NPTN: variants seen among roughly 807,000 people sequenced by gnomAD.
The protein encoded by NPTN is SDR-1.
A neutral mutation model predicts 42.7 loss-of-function variants in NPTN; 5 were observed. That is an observed-to-expected ratio of 0.12 (90% CI 0.06 to 0.25). The LOEUF (loss-of-function observed/expected upper bound fraction) is 0.25. NPTN is among the 10% of genes least tolerant of loss of function. The probability of loss-of-function intolerance (pLI) is 1.00; values close to 1 mark genes in which losing one functional copy is unlikely to be tolerated. For synonymous variants in NPTN, 180 were observed against 201.9 expected, an observed-to-expected ratio of 0.89 and a Z score of 0.92; for missense variants, 307 against 525.4, an observed-to-expected ratio of 0.58 and a Z score of 4.06.
Position 73,633,244 on chromosome 15 carries a change from T to A in NPTN, c.-29A>T, listed in dbSNP as rs1566997585. The A allele has an allele frequency of 2.0e-6, 2 of 1,005,568 alleles. No homozygotes were observed. Among genetic ancestry groups the A allele is most frequent in the Non-Finnish European group, 2.7e-6 (2 of 740,168 alleles). The allele number at this position is 1,005,568 out of a possible 1,614,324, so 62.3% of individuals were successfully genotyped here. On this transcript the variant is annotated 5_prime_UTR_variant, in exon 1 of 9. Coordinates refer to ENST00000345330, the MANE Select transcript of NPTN (RefSeq NM_012428.4). ...CCCTAGCAGAAGACCCAACAGCGAATGGGCCGGGGCCAGAGCCGGGGCCGG... is the reference window on the plus strand; with the variant it reads ...CCCTAGCAGAAGACCCAACAGCGAAAGGGCCGGGGCCAGAGCCGGGGCCGG...
intron 5 of NPTN, among the ~76,000 whole-genome samples, chr15:73,571,643 G>A (rs1262785739): frequency 6.6e-6 from 1 of 152,170 alleles, no homozygotes; most frequent in African/African-American, 2.4e-5. Context: ...GTGCAAGAGT[G>A]CACAGGCAGA....
chr15:73,625,648 A>C (rs554298056), intron 1 of NPTN, among the ~76,000 whole-genome samples: 245 of 152,256 alleles, frequency 1.6e-3, no homozygotes, highest in Non-Finnish European at 2.9e-3. Context: ...TTATTTTTCA[A>C]GTAATTTCAA....
chr15:73,560,524 T>G lies in NPTN; in HGVS notation c.*539A>C, dbSNP rs1009156751. 2 of 152,226 alleles carry G rather than the reference T, an allele frequency of 1.3e-5. No homozygotes were observed. Among genetic ancestry groups the G allele is most frequent in the African/African-American group, 2.4e-5 (1 of 41,372 alleles). The allele number at this position is 152,226 out of a possible 1,614,324, so 9.4% of individuals were successfully genotyped here. The stretch of plus-strand genomic sequence containing the variant: ...CTTTATGTACCAGAACTGCACAATT[T>G]CCTCATCTGACAACATACAATAAGG... On this transcript the variant is annotated 3_prime_UTR_variant, in exon 9 of 9. Transcript: ENST00000345330.
chr15:73,612,096 A>G (rs1897611656), intron 1 of NPTN, among the ~76,000 whole-genome samples: 1 of 152,158 alleles, frequency 6.6e-6, no homozygotes, highest in Admixed American at 6.5e-5. Flanking sequence ...AGTAATGGTC[A>G]CCTATCTTGT....
chr15:73,633,278 GGGGA>G lies in NPTN; in HGVS notation c.-67_-64del, dbSNP rs1017699055. ...GCCAGAGCCGGGGCCGGGGAAGGGA[GGGGA>G]GGGAGGGAGGGGGCGGGCGAGTGCG... On this transcript the variant is annotated 5_prime_UTR_variant, in exon 1 of 9. Transcript: ENST00000345330. The G allele has an allele frequency of 6.2e-5, 73 of 1,172,672 alleles. No homozygotes were observed. The highest frequency in any genetic ancestry group is 2.1e-4 in the Middle Eastern group (1 of 4,666). 72.6% of individuals were successfully genotyped at this position (1,172,672 alleles called of 1,614,324 possible).
intron 1 of NPTN, among the ~76,000 whole-genome samples, chr15:73,613,812 A>G (rs1897720036): frequency 1.3e-5 from 2 of 151,898 alleles, no homozygotes; most frequent in African/African-American, 4.8e-5. Context: ...CAGCCTCCCA[A>G]GTAACTGGGA....
chr15:73,568,098 G>A, intron 6 of NPTN: 1 of 985,436 alleles, frequency 1.0e-6, no homozygotes, highest in Non-Finnish European at 1.2e-6. Flanking sequence ...CAGTAACCAA[G>A]AAAACTCTTA....
At chr15:73,582,839 G>GC (rs2141381986) in intron 4 of NPTN, among the ~76,000 whole-genome samples, 1 of 152,244 alleles carries the variant, frequency 6.6e-6, no homozygotes, top group Non-Finnish European at 1.5e-5. Context: ...ATCACTTCCT[G>GC]CAATAACCAA....
chr15:73,569,733 C>T lies in NPTN; in HGVS notation c.1114+417G>A. ...AGATACCTTAAATCTGCCTGAAAGGCCAGGTGGCCTGCCATCTTGGGGTGG... is the reference window on the plus strand; with the variant it reads ...AGATACCTTAAATCTGCCTGAAAGGTCAGGTGGCCTGCCATCTTGGGGTGG... On this transcript the variant is annotated intron_variant, in intron 6 of 8. Transcript: ENST00000345330. This position sits in a 1 kb window ranked among gnomAD's most constrained non-coding sequence, Gnocchi z 4.1. 1 of 985,416 alleles carries T rather than the reference C, an allele frequency of 1.0e-6. No homozygotes were observed. Among genetic ancestry groups the T allele is most frequent in the Non-Finnish European group, 1.2e-6 (1 of 829,920 alleles). The allele number at this position is 985,416 out of a possible 1,614,324, so 61.0% of individuals were successfully genotyped here. A position where few individuals can be genotyped will look rare whatever the true frequency, so the allele number is the denominator to read the frequency against.
chr15:73,588,428 T>TTAA (rs1197302902), intron 3 of NPTN, among the ~76,000 whole-genome samples: 1 of 152,038 alleles, frequency 6.6e-6, no homozygotes, highest in African/African-American at 2.4e-5. Flanking sequence ...CAGGCACAGT[T>TTAA]TAAAGAAAAA....
intron 4 of NPTN, among the ~76,000 whole-genome samples, chr15:73,581,324 T>C (rs1334572579): frequency 6.6e-6 from 1 of 152,164 alleles, no homozygotes; most frequent in East Asian, 1.9e-4. Context: ...CTTCATATCC[T>C]GAAGGAGACA....
At chr15:73,580,954 C>T (rs1328743808) in intron 4 of NPTN, among the ~76,000 whole-genome samples, 1 of 152,026 alleles carries the variant, frequency 6.6e-6, no homozygotes, top group Non-Finnish European at 1.5e-5. Flanking sequence ...GAGTAATACT[C>T]ACATGTTTCA....
At chr15:73,583,227 G>T (rs755208753) in intron 4 of NPTN, among the ~76,000 whole-genome samples, 1 of 152,190 alleles carries the variant, frequency 6.6e-6, no homozygotes, top group Non-Finnish European at 1.5e-5. Flanking sequence ...TGTGTTTAAT[G>T]GCAGGACCAC....
At chr15:73,617,466 T>G (rs76414865) in intron 1 of NPTN, among the ~76,000 whole-genome samples, 7,817 of 152,302 alleles carry the variant, frequency 0.051, 214 homozygotes, top group South Asian at 0.094. Context: ...TGGTATTCCC[T>G]CCTGTGGTTA....
intron 4 of NPTN, among the ~76,000 whole-genome samples, chr15:73,587,220 A>G (rs893652123): frequency 6.6e-6 from 1 of 152,204 alleles, no homozygotes. Flanking sequence ...ATGCAGTTCA[A>G]TCTATTAACT....
intron 1 of NPTN, among the ~76,000 whole-genome samples, chr15:73,617,355 A>C (rs959029334): frequency 6.6e-6 from 1 of 152,204 alleles, no homozygotes; most frequent in Non-Finnish European, 1.5e-5. Flanking sequence ...AAATCCAATA[A>C]CTTTTTCCTT....
chr15:73,560,874 A>G lies in NPTN; in HGVS notation c.*189T>C, dbSNP rs1242829325. ...GCCCAAAATAGTTTACACCTTCTACACTGAAGCATTGTTTAAAATGTACCT... is the reference window on the plus strand; with the variant it reads ...GCCCAAAATAGTTTACACCTTCTACGCTGAAGCATTGTTTAAAATGTACCT... On this transcript the variant is annotated 3_prime_UTR_variant, in exon 9 of 9. Coordinates refer to ENST00000345330, the MANE Select transcript of NPTN (RefSeq NM_012428.4). 2.0e-5 allele frequency: 3 copies of G among 152,382 alleles called. No homozygotes were observed. The highest frequency in any genetic ancestry group is 2.1e-4 in the South Asian group (1 of 4,822). The allele number at this position is 152,382 out of a possible 1,614,324, so 9.4% of individuals were successfully genotyped here.
rs935215736 is a variant in NPTN at position 73,587,445 on chromosome 15, G to A, written c.706+79C>T. 10 of 974,818 alleles carry A rather than the reference G, an allele frequency of 1.0e-5. No individual in the cohort carries two copies. In the Admixed American group the frequency reaches 1.7e-4, roughly 16 times the overall value. 60.4% of individuals were successfully genotyped at this position (974,818 alleles called of 1,614,324 possible). ...CTCGACATGGAAAGAAGAGGAGCTTGAAGACTGGGACTCCAGACCAAGGTA... is the reference window on the plus strand; with the variant it reads ...CTCGACATGGAAAGAAGAGGAGCTTAAAGACTGGGACTCCAGACCAAGGTA... On this transcript the variant is annotated intron_variant, in intron 4 of 8. Coordinates refer to ENST00000345330, the MANE Select transcript of NPTN (RefSeq NM_012428.4).
chr15:73,621,005 T>G (rs1898114523), intron 1 of NPTN, among the ~76,000 whole-genome samples: 1 of 152,224 alleles, frequency 6.6e-6, no homozygotes, highest in Non-Finnish European at 1.5e-5. Context: ...TGTTTTTTCT[T>G]CAATAACATG....
Sources: gnomAD v4.1 joint callset for allele counts (sites outside exome capture counted in the v4.1 genomes callset) on GRCh38, gnomAD v4.1.1 for gene constraint, Gnocchi (gnomAD v3.1) non-coding constraint, MANE v1.5 for transcripts, NCBI Gene and HGNC (gene_info 2026-07-23, HGNC 2026-07-21) for gene names.